Variants in CALN1 observed in about 807,000 individuals in gnomAD.
The protein encoded by CALN1 is calcium-binding protein 8.
Under a neutral mutation model 30.6 loss-of-function variants are expected in CALN1, and 17 were observed. That is an observed-to-expected ratio of 0.56 (90% CI 0.38 to 0.83). CALN1 has a LOEUF of 0.83. Among genes scored for constraint, CALN1 ranks in the 40% least tolerant of loss-of-function variants. The pLI, the probability that CALN1 is intolerant of heterozygous loss-of-function variation, is 0.00. For missense variants in CALN1, 291 were observed against 354.9 expected (o/e 0.82, Z 1.45); for synonymous variants, 156 against 131.4 (o/e 1.19, Z -1.28).
chr7:72,256,564 T>G (rs1056302568), intron 3 of CALN1, among the ~76,000 whole-genome samples: 2 of 152,032 alleles, frequency 1.3e-5, no homozygotes, highest in African/African-American at 4.8e-5. Flanking sequence ...CCTTTCACAT[T>G]AAAATATCCT....
At chr7:71,833,433 A>T (rs998688205) in intron 5 of CALN1, among the ~76,000 whole-genome samples, 7 of 152,208 alleles carry the variant, frequency 4.6e-5, no homozygotes, top group Non-Finnish European at 8.8e-5. Flanking sequence ...CTCACTTATG[A>T]AGAAAAATAT....
At chr7:72,458,851 A>C in the CALN1 span, among the ~76,000 whole-genome samples, 13 of 137,156 alleles carry the variant, frequency 9.5e-5, no homozygotes, top group Non-Finnish European at 1.7e-4. Context: ...TATTATATAT[A>C]ATATATTTTT....
chr7:72,071,372 TGAAATGATTTCCA>T (rs942925881), intron 4 of CALN1, among the ~76,000 whole-genome samples: 8 of 152,182 alleles, frequency 5.3e-5, no homozygotes, highest in African/African-American at 1.9e-4. Flanking sequence ...GCCCTGCAGC[TGAAATGATTTCCA>T]GAGGATTTAG....
chr7:72,026,010 T>C (rs1801029126), intron 4 of CALN1, among the ~76,000 whole-genome samples: 1 of 152,170 alleles, frequency 6.6e-6, no homozygotes, highest in Non-Finnish European at 1.5e-5. Flanking sequence ...GGGCAGTCGG[T>C]GGCCTCTGGA....
At chr7:71,807,957 C>T (rs917027642) in intron 6 of CALN1, among the ~76,000 whole-genome samples, 4 of 152,000 alleles carry the variant, frequency 2.6e-5, no homozygotes, top group African/African-American at 9.7e-5. Context: ...ACCTGTAGTC[C>T]CAGCTATTCG....
At chr7:72,142,097 T>C (rs1357306004) in intron 3 of CALN1, among the ~76,000 whole-genome samples, 1 of 152,128 alleles carries the variant, frequency 6.6e-6, no homozygotes, top group African/African-American at 2.4e-5. Flanking sequence ...ACCGGGTTCA[T>C]CTCACTGGGG....
intron 2 of CALN1, among the ~76,000 whole-genome samples, chr7:72,338,084 A>G (rs527800920): frequency 1.3e-5 from 2 of 152,198 alleles, no homozygotes; most frequent in African/African-American, 2.4e-5. Flanking sequence ...TCTTGGCAAG[A>G]AAAAGAAAGA....
At chr7:72,308,862 A>C (rs1307872382) in intron 2 of CALN1, among the ~76,000 whole-genome samples, 1 of 152,226 alleles carries the variant, frequency 6.6e-6, no homozygotes, top group Non-Finnish European at 1.5e-5. Flanking sequence ...GATCATTCCC[A>C]TCTGGCATGT....
At chr7:72,330,781 T>G (rs1260894502) in intron 2 of CALN1, among the ~76,000 whole-genome samples, 1 of 152,050 alleles carries the variant, frequency 6.6e-6, no homozygotes, top group African/African-American at 2.4e-5. Context: ...TAATGAGGCT[T>G]TTTAAAATAG....
intron 4 of CALN1, among the ~76,000 whole-genome samples, chr7:72,026,779 T>C (rs367924300): frequency 7.2e-4 from 110 of 152,274 alleles, no homozygotes; most frequent in African/African-American, 2.5e-3. Context: ...AACAAGATAT[T>C]TGCCTACAGA....
chr7:72,222,789 AG>A (rs1259492632), intron 3 of CALN1, among the ~76,000 whole-genome samples: 1 of 152,144 alleles, frequency 6.6e-6, no homozygotes, highest in Admixed American at 6.6e-5. Flanking sequence ...AGGAGACCAA[AG>A]GGCAAGGACT....
At chr7:72,224,859 C>G (rs568919740) in intron 3 of CALN1, among the ~76,000 whole-genome samples, 3 of 151,832 alleles carry the variant, frequency 2.0e-5, no homozygotes, top group Non-Finnish European at 4.4e-5. Flanking sequence ...GAAGTCGAGG[C>G]AGGTGAATCA....
At chr7:72,290,998 A>C (rs1798442030) in intron 2 of CALN1, among the ~76,000 whole-genome samples, 1 of 150,814 alleles carries the variant, frequency 6.6e-6, no homozygotes, top group Non-Finnish European at 1.5e-5. Flanking sequence ...ATTTGGGCTC[A>C]CTGCAACCTC....
intron 3 of CALN1, among the ~76,000 whole-genome samples, chr7:72,107,402 A>G (rs1362686808): frequency 6.6e-6 from 1 of 152,270 alleles, no homozygotes; most frequent in African/African-American, 2.4e-5. Flanking sequence ...CAATAAGAGC[A>G]TCGTGAAAAC....
At chr7:72,061,300 G>A (rs981631850) in intron 4 of CALN1, among the ~76,000 whole-genome samples, 12 of 152,154 alleles carry the variant, frequency 7.9e-5, no homozygotes, top group African/African-American at 2.4e-4. Context: ...ATCACCAGAC[G>A]CTACAGACAC....
intron 5 of CALN1, among the ~76,000 whole-genome samples, chr7:71,955,581 A>T (rs1414007981): frequency 1.3e-5 from 2 of 152,072 alleles, no homozygotes; most frequent in Non-Finnish European, 2.9e-5. Context: ...CCCAAAATGA[A>T]CGCTTTCCCC....
At chr7:72,106,450 A>G (rs1563063320) in intron 3 of CALN1, among the ~76,000 whole-genome samples, 156 bp from the exon 4 acceptor site, 2 of 151,888 alleles carry the variant, frequency 1.3e-5, no homozygotes, top group Non-Finnish European at 2.9e-5. Flanking sequence ...GAAGAAGAAC[A>G]GAAGAAAAGA....
intron 2 of CALN1, among the ~76,000 whole-genome samples, chr7:72,280,213 C>A (rs184774917): frequency 6.6e-6 from 1 of 152,258 alleles, no homozygotes; most frequent in Non-Finnish European, 1.5e-5. Flanking sequence ...ATCAAAGGTG[C>A]TTTTCGCTCA....
chr7:72,369,949 T>C (rs969204683), intron 2 of CALN1, among the ~76,000 whole-genome samples: 4 of 152,252 alleles, frequency 2.6e-5, no homozygotes, highest in Non-Finnish European at 5.9e-5. Flanking sequence ...AGTCTTTCTA[T>C]GAATATATGC....
Sources: gnomAD v4.1 joint callset for allele counts (sites outside exome capture counted in the v4.1 genomes callset) on GRCh38, gnomAD v4.1.1 for gene constraint, MANE v1.5 for transcripts, NCBI Gene and HGNC (gene_info 2026-07-23, HGNC 2026-07-21) for gene names.